GLIS3: variants seen among roughly 807,000 people sequenced by gnomAD.
GLIS3 encodes the protein zinc finger protein GLIS3.
Under a neutral mutation model 78.6 loss-of-function variants are expected in GLIS3, and 53 were observed. The observed-to-expected ratio is 0.67, with a 90% CI of 0.54 to 0.85. The LOEUF is 0.85. GLIS3 is among the 40% of genes least tolerant of loss of function. The pLI is 0.00. For missense variants in GLIS3, 1,703 were observed against 1,231.1 expected (o/e 1.38, Z -5.74); for synonymous variants, 684 against 509.9 (o/e 1.34, Z -4.60).
chr9:4,473,133 C>T, the GLIS3 span, among the ~76,000 whole-genome samples: 1 of 152,026 alleles, frequency 6.6e-6, no homozygotes, highest in Non-Finnish European at 1.5e-5. Flanking sequence ...GCACTATTCA[C>T]AATAGCCAAG....
chr9:4,267,667 TA>T (rs1826137215), intron 2 of GLIS3, among the ~76,000 whole-genome samples: 1 of 152,180 alleles, frequency 6.6e-6, no homozygotes, highest in Non-Finnish European at 1.5e-5. Context: ...TCCCAGTTCC[TA>T]AAAGGTGACC....
chr9:3,907,605 A>AC lies in GLIS3; in HGVS notation c.1984-8771_1984-8770insG, dbSNP rs1823802742. ...AATGGCTAGCATCCTCCACCCCCCA[A>AC]ACACACACACACACACACAGACACA... On this transcript the variant is annotated intron_variant, in intron 6 of 10. Coordinates refer to ENST00000381971, the MANE Select transcript of GLIS3 (RefSeq NM_001042413.2). Among the ~76,000 whole-genome samples, 64 of 92,284 alleles carry AC rather than the reference A, an allele frequency of 6.9e-4. 1 individual carries two copies. The highest frequency in any genetic ancestry group is 1.1e-3 in the Admixed American group (10 of 9,326). 60.5% of individuals were successfully genotyped at this position (92,284 alleles called of 152,430 possible).
chr9:4,348,395 A>T (rs1817922914), upstream of GLIS3: 1 of 152,196 alleles, frequency 6.6e-6, no homozygotes, highest in Admixed American at 6.5e-5. Context: ...TCACCTCCAC[A>T]TCCCATGCAG....
At chr9:4,358,867 T>C in the GLIS3 span, among the ~76,000 whole-genome samples, 54 of 152,306 alleles carry the variant, frequency 3.5e-4, 2 homozygotes, top group South Asian at 9.1e-3. Context: ...AGTCATCTTA[T>C]AGAAGTCAGT....
chr9:3,939,652 G>A lies in GLIS3; in HGVS notation c.1711-2463C>T, dbSNP rs575094398. 2.0e-5 allele frequency among the ~76,000 whole-genome samples: 3 copies of A among 152,180 alleles called. No individual in the cohort carries two copies. The South Asian group carries it at 6.2e-4, about 32-fold the overall frequency. On this transcript the variant is annotated intron_variant, in intron 4 of 10. Coordinates refer to ENST00000381971, the MANE Select transcript of GLIS3 (RefSeq NM_001042413.2). The stretch of plus-strand genomic sequence containing the variant: ...AATAATCAAAATCCAGCTGATATCA[G>A]ATGTTTCCTCTGTAACAAGAAAGGG...
chr9:4,052,024 A>G (rs1461062458), intron 4 of GLIS3, among the ~76,000 whole-genome samples: 1 of 152,234 alleles, frequency 6.6e-6, no homozygotes, highest in African/African-American at 2.4e-5. Context: ...AGGCCCGGGT[A>G]TAAAACACAT....
At chr9:3,889,001 G>A (rs868612763) in intron 7 of GLIS3, among the ~76,000 whole-genome samples, 3 of 152,160 alleles carry the variant, frequency 2.0e-5, no homozygotes, top group South Asian at 4.1e-4. Flanking sequence ...TCAATTATTT[G>A]CTTTACTTTA....
chr9:4,245,474 G>A (rs1233196561), intron 2 of GLIS3, among the ~76,000 whole-genome samples: 9 of 152,192 alleles, frequency 5.9e-5, no homozygotes, highest in Non-Finnish European at 2.9e-5. Flanking sequence ...ACTTCATGGT[G>A]TATGTACAGG....
At chr9:3,848,081 C>G (rs1245328869) in intron 9 of GLIS3, among the ~76,000 whole-genome samples, 1 of 152,204 alleles carries the variant, frequency 6.6e-6, no homozygotes, top group East Asian at 1.9e-4. Flanking sequence ...CAAGATGTGA[C>G]ACAATGCTTA....
At chr9:3,998,318 G>A (rs1028632601) in intron 4 of GLIS3, among the ~76,000 whole-genome samples, 11 of 152,046 alleles carry the variant, frequency 7.2e-5, no homozygotes, top group Non-Finnish European at 1.0e-4. Context: ...TTCTCCAGAC[G>A]CCTTCAATGC....
intron 2 of GLIS3, among the ~76,000 whole-genome samples, chr9:4,200,379 G>C (rs901253413): frequency 2.0e-5 from 3 of 151,732 alleles, no homozygotes; most frequent in African/African-American, 7.3e-5. Context: ...TGTTTTTTGA[G>C]AGAATAAATC....
intron 4 of GLIS3, among the ~76,000 whole-genome samples, chr9:3,955,328 G>C (rs1287665000): frequency 6.6e-6 from 1 of 152,142 alleles, no homozygotes; most frequent in Non-Finnish European, 1.5e-5. Flanking sequence ...AAGTCAGACA[G>C]TTTCTCAACT....
intron 4 of GLIS3, among the ~76,000 whole-genome samples, chr9:3,985,170 G>C (rs1251818144): frequency 1.2e-4 from 18 of 151,634 alleles, no homozygotes; most frequent in Non-Finnish European, 1.5e-5. Context: ...ACTGAGACAG[G>C]GTCTTGCTCT....
At position 4,283,269 on chromosome 9, in the gene GLIS3, G is replaced by T. The variant is rs7469067; in HGVS notation, c.388+2769C>A. 2.6e-3 allele frequency among the ~76,000 whole-genome samples: 354 copies of T among 134,946 alleles called. 1 individual carries two copies. The highest frequency in any genetic ancestry group is 8.3e-3 in the African/African-American group (308 of 36,932). 88.5% of individuals were successfully genotyped at this position (134,946 alleles called of 152,430 possible). On this transcript the variant is annotated intron_variant, in intron 2 of 10. Transcript: ENST00000381971. Reference sequence around the variant, plus strand: ...TACTGTGCTGTTTTTTTGTTTTTTTGTTTTTTTTTTTTTTGAGATAGAGTC... The same window carrying T: ...TACTGTGCTGTTTTTTTGTTTTTTTTTTTTTTTTTTTTTTGAGATAGAGTC...
intron 4 of GLIS3, among the ~76,000 whole-genome samples, chr9:3,943,127 G>C (rs1816056597): frequency 6.6e-6 from 1 of 152,144 alleles, no homozygotes; most frequent in Non-Finnish European, 1.5e-5. Context: ...TGGACATACG[G>C]GTCACCTCAT....
At chr9:3,984,932 A>G (rs1819613389) in intron 4 of GLIS3, among the ~76,000 whole-genome samples, 1 of 152,104 alleles carries the variant, frequency 6.6e-6, no homozygotes, top group African/African-American at 2.4e-5. Flanking sequence ...GCTGCCAACC[A>G]TGTAAGATGT....
the GLIS3 span, among the ~76,000 whole-genome samples, chr9:4,479,970 G>A: frequency 1.4e-5 from 2 of 145,860 alleles, no homozygotes; most frequent in Non-Finnish European, 3.0e-5. Context: ...AGCCAGGCTG[G>A]TCTTGAACTC....
intron 4 of GLIS3, among the ~76,000 whole-genome samples, chr9:4,102,186 C>G (rs1002140303): frequency 2.6e-5 from 4 of 152,050 alleles, no homozygotes; most frequent in Non-Finnish European, 4.4e-5. Context: ...ATAAGAAAAC[C>G]CCAGGGTCAA....
chr9:3,959,292 G>C (rs995108487), intron 4 of GLIS3, among the ~76,000 whole-genome samples: 2 of 152,160 alleles, frequency 1.3e-5, no homozygotes, highest in African/African-American at 4.8e-5. Flanking sequence ...CAGGAAGTAG[G>C]CTCTCACCAG....
Sources: allele counts gnomAD v4.1 joint callset (sites outside exome capture counted in the v4.1 genomes callset), GRCh38; gene constraint gnomAD v4.1.1; transcripts MANE v1.5; gene names NCBI Gene and HGNC (gene_info 2026-07-23, HGNC 2026-07-21).